FLACC1: variants seen among roughly 807,000 people sequenced by gnomAD.
The protein encoded by FLACC1 is flagellum associated containing coiled-coil domains 1, also known as flagellum-associated coiled-coil domain-containing protein 1.
Under a neutral mutation model 62.8 loss-of-function variants are expected in FLACC1, and 66 were observed. The observed-to-expected ratio is 1.05, with a 90% CI of 0.86 to 1.29. The LOEUF is 1.29. Among genes scored for constraint, FLACC1 ranks in the 50% most tolerant of loss-of-function variants. The pLI is 0.00. For synonymous variants in FLACC1, 156 were observed against 161.0 expected, an observed-to-expected ratio of 0.97 and a Z score of 0.24; for missense variants, 452 against 489.1, an observed-to-expected ratio of 0.92 and a Z score of 0.71.
intron 9 of FLACC1, among the ~76,000 whole-genome samples, chr2:201,324,997 AG>A (rs1227890927): frequency 1.3e-5 from 2 of 152,052 alleles, no homozygotes; most frequent in Non-Finnish European, 2.9e-5. Flanking sequence ...GTGTGGTAAC[AG>A]GCGCCTGTAG....
chr2:201,342,378 G>A lies in FLACC1; in HGVS notation c.516C>T (p.Asn172=). 6.2e-7 allele frequency: 1 copy of A among 1,614,234 alleles called. No homozygotes were observed. Among genetic ancestry groups the A allele is most frequent in the Non-Finnish European group, 8.5e-7 (1 of 1,180,038 alleles). The change falls in exon 7 of 15, where the codon AAC becomes AAT. Residue 172 remains asparagine, a synonymous_variant. Coordinates refer to ENST00000392257, the MANE Select transcript of FLACC1 (RefSeq NM_001127391.3). ...RCAEMKQNFE[N]KNRELKEAHE... ...CATGCCAGAAAGTGTACCTGTTCTT[G>A]TTTTCAAAGTTCTGTTTCATCTCAG...
intron 9 of FLACC1, among the ~76,000 whole-genome samples, chr2:201,320,021 A>G (rs1197009011): frequency 6.6e-6 from 1 of 152,246 alleles, no homozygotes; most frequent in Non-Finnish European, 1.5e-5. Context: ...GAAAGTCCAG[A>G]CCATGGGAGA....
At position 201,288,603 on chromosome 2, in the gene FLACC1, C is replaced by G. The variant is rs552901171; in HGVS notation, c.*52G>C. 4 of 1,592,324 alleles carry G rather than the reference C, an allele frequency of 2.5e-6. No individual in the cohort carries two copies. In the South Asian group the frequency reaches 3.4e-5, roughly 13 times the overall value. On this transcript the variant is annotated 3_prime_UTR_variant, in exon 15 of 15. Coordinates refer to ENST00000392257, the MANE Select transcript of FLACC1 (RefSeq NM_001127391.3). ...AAAACCCTCCCAGGAGTTTCCTGGG[C>G]CTACAGAAATGGTGTGCCAACCATC...
chr2:201,330,936 A>T, intron 7 of FLACC1, 103 bp from the exon 8 acceptor site: 18 of 676,714 alleles, frequency 2.7e-5, no homozygotes, highest in Non-Finnish European at 3.7e-5. Context: ...ACAGGAAGTG[A>T]GGTTCTCACT....
chr2:201,350,872 G>T, intron 2 of FLACC1, 90 bp from the exon 3 acceptor site: 1 of 1,122,296 alleles, frequency 8.9e-7, no homozygotes, highest in South Asian at 1.4e-5. Context: ...TCCCTATAGT[G>T]ACCCAAAATT....
At chr2:201,358,566 G>A (rs1170047103), upstream of FLACC1, among the ~76,000 whole-genome samples, 1 of 151,596 alleles carries the variant, frequency 6.6e-6, no homozygotes, top group Non-Finnish European at 1.5e-5. Flanking sequence ...ACAGGCGCCC[G>A]CCACTACGCC....
intron 1 of FLACC1, among the ~76,000 whole-genome samples, chr2:201,354,267 T>C (rs1021032167): frequency 3.9e-5 from 6 of 152,170 alleles, no homozygotes; most frequent in African/African-American, 1.2e-4. Context: ...TAGATGCTGG[T>C]TGGACCTTGC....
At chr2:201,301,343 C>A (rs1949978114) in intron 11 of FLACC1, among the ~76,000 whole-genome samples, 1 of 152,002 alleles carries the variant, frequency 6.6e-6, no homozygotes, top group African/African-American at 2.4e-5. Context: ...GATTGAAGAT[C>A]AAATGAATGA....
In FLACC1 at chr2:201,323,784, C is replaced by CAAAAAAAAAAAAAAAAAAAAAA. The variant is rs71022362; in HGVS notation, c.675+6685_675+6686insTTTTTTTTTTTTTTTTTTTTTT. On this transcript the variant is annotated intron_variant, in intron 9 of 14. Transcript: ENST00000392257. The stretch of plus-strand genomic sequence containing the variant: ...CCTGGGCAACAGAGCCAGACTCTAT[C>CAAAAAAAAAAAAAAAAAAAAAA]AAAAAAAAAAAAAAAAAAAGTAAGG... 1.3e-4 allele frequency among the ~76,000 whole-genome samples: 7 copies of CAAAAAAAAAAAAAAAAAAAAAA among 52,754 alleles called. 1 individual carries two copies. The highest frequency in any genetic ancestry group is 2.0e-4 in the African/African-American group (2 of 9,800). 34.6% of individuals were successfully genotyped at this position (52,754 alleles called of 152,430 possible). A position where few individuals can be genotyped will look rare whatever the true frequency, so the allele number is the denominator to read the frequency against.
intron 10 of FLACC1, among the ~76,000 whole-genome samples, chr2:201,308,057 C>A (rs952944208): frequency 2.6e-5 from 4 of 152,124 alleles, no homozygotes; most frequent in Non-Finnish European, 5.9e-5. Flanking sequence ...AGGAAACCTG[C>A]CAGTAGAGCC....
At chr2:201,309,043 C>T (rs953536987) in intron 10 of FLACC1, 108 bp downstream of exon 10, 1 of 862,672 alleles carries the variant, frequency 1.2e-6, no homozygotes, top group Non-Finnish European at 1.9e-6. Flanking sequence ...TAGCATGTGG[C>T]CCATCACCCT....
chr2:201,304,533 T>A (rs1241810389), intron 11 of FLACC1, among the ~76,000 whole-genome samples: 1 of 152,068 alleles, frequency 6.6e-6, no homozygotes, highest in Non-Finnish European at 1.5e-5. Context: ...TTCAATGCCA[T>A]CCCCATTAAG....
At chr2:201,338,958 C>A (rs1337623697) in intron 7 of FLACC1, among the ~76,000 whole-genome samples, 1 of 152,102 alleles carries the variant, frequency 6.6e-6, no homozygotes, top group East Asian at 1.9e-4. Flanking sequence ...TCCTCCTCTT[C>A]AAATTTTTTT....
intron 12 of FLACC1, among the ~76,000 whole-genome samples, chr2:201,293,412 CTG>C (rs1949783069): frequency 6.6e-6 from 1 of 152,228 alleles, no homozygotes; most frequent in African/African-American, 2.4e-5. Flanking sequence ...CAACCTGCTC[CTG>C]AATGACTACT....
At chr2:201,316,145 A>T (rs1950304176) in intron 9 of FLACC1, among the ~76,000 whole-genome samples, 1 of 152,168 alleles carries the variant, frequency 6.6e-6, no homozygotes, top group Admixed American at 6.5e-5. Flanking sequence ...CACCTCAAGG[A>T]ACTAGAGAAA....
At chr2:201,353,469 T>C (rs977518096) in intron 1 of FLACC1, among the ~76,000 whole-genome samples, 3 of 152,218 alleles carry the variant, frequency 2.0e-5, no homozygotes, top group African/African-American at 7.2e-5. Context: ...TAGGAGCACA[T>C]TGAGAAGTAG....
At chr2:201,348,326 A>C (rs1399954198) in intron 3 of FLACC1, 24 bp from the exon 4 acceptor site, 2 of 1,609,734 alleles carry the variant, frequency 1.2e-6, no homozygotes, top group Non-Finnish European at 1.7e-6. Flanking sequence ...ACATGCTCAG[A>C]AAGCAACCAG....
At chr2:201,341,177 T>C (rs1950800201) in intron 7 of FLACC1, among the ~76,000 whole-genome samples, 1 of 152,098 alleles carries the variant, frequency 6.6e-6, no homozygotes, top group African/African-American at 2.4e-5. Context: ...AAAACTGCTC[T>C]AACAGATAAA....
At chr2:201,295,647 C>T (rs1257316942) in intron 12 of FLACC1, among the ~76,000 whole-genome samples, 1 of 152,110 alleles carries the variant, frequency 6.6e-6, no homozygotes. Context: ...CAACAAAAGC[C>T]TAAATTGGCA....
Sources: gnomAD v4.1 joint callset for allele counts (sites outside exome capture counted in the v4.1 genomes callset) on GRCh38, gnomAD v4.1.1 for gene constraint, MANE v1.5 for transcripts, NCBI Gene and HGNC (gene_info 2026-07-23, HGNC 2026-07-21) for gene names.